The following FAM13C variants were observed in gnomAD, a reference collection of about 807,000 sequenced individuals.
FAM13C encodes the protein protein FAM13C.
A neutral mutation model predicts 73.2 loss-of-function variants in FAM13C; 37 were observed. The observed-to-expected ratio is 0.51, with a 90% CI of 0.39 to 0.67. The LOEUF (loss-of-function observed/expected upper bound fraction) is 0.67. Among genes scored for constraint, FAM13C ranks in the 30% least tolerant of loss-of-function variants. The pLI is 0.00. For missense variants in FAM13C, 589 were observed against 715.6 expected, an observed-to-expected ratio of 0.82 and a Z score of 2.02; for synonymous variants, 246 against 260.9, an observed-to-expected ratio of 0.94 and a Z score of 0.55.
At chr10:59,258,043 A>G (rs911262974) in intron 10 of FAM13C, among the ~76,000 whole-genome samples, 1 of 152,214 alleles carries the variant, frequency 6.6e-6, no homozygotes, top group African/African-American at 2.4e-5. Context: ...AGAATGCCAC[A>G]GTGCTATTGA....
At chr10:59,326,234 T>C (rs1041866251) in intron 3 of FAM13C, among the ~76,000 whole-genome samples, 1 of 152,102 alleles carries the variant, frequency 6.6e-6, no homozygotes, top group African/African-American at 2.4e-5. Flanking sequence ...AGAGAAGAAC[T>C]CTTCTCTAAA....
At chr10:59,355,156 G>A (rs962320559) in intron 2 of FAM13C, among the ~76,000 whole-genome samples, 2 of 152,092 alleles carry the variant, frequency 1.3e-5, no homozygotes, top group African/African-American at 4.8e-5. Context: ...ATGCACTGTA[G>A]CATCCACATC....
intron 3 of FAM13C, among the ~76,000 whole-genome samples, chr10:59,326,046 T>C (rs1851078783): frequency 1.3e-5 from 2 of 152,276 alleles, no homozygotes; most frequent in Middle Eastern, 3.4e-3. Flanking sequence ...TGTTTGATTT[T>C]TTTTTTGAAA....
chr10:59,342,574 C>T (rs67042284), intron 3 of FAM13C, among the ~76,000 whole-genome samples: 24,147 of 151,918 alleles, frequency 0.16, 2,182 homozygotes, highest in East Asian at 0.33. Flanking sequence ...CGTAAGTATA[C>T]CCCATGCAAT....
At chr10:59,260,553 TC>T (rs2133444926) in intron 10 of FAM13C, among the ~76,000 whole-genome samples, 1 of 152,292 alleles carries the variant, frequency 6.6e-6, no homozygotes, top group Admixed American at 6.5e-5. Context: ...GCCTTCCTAA[TC>T]CCTTTATCTA....
At chr10:59,305,553 T>C (rs1848159049) in intron 4 of FAM13C, among the ~76,000 whole-genome samples, 2 of 152,200 alleles carry the variant, frequency 1.3e-5, no homozygotes, top group African/African-American at 4.8e-5. Flanking sequence ...GGCAACAAGG[T>C]CAATATCTAA....
intron 4 of FAM13C, among the ~76,000 whole-genome samples, chr10:59,307,325 C>A (rs1454361577): frequency 1.3e-5 from 2 of 152,044 alleles, no homozygotes; most frequent in Non-Finnish European, 2.9e-5. Context: ...ATGTGCTAGG[C>A]AACGTACCTA....
At chr10:59,308,953 G>A (rs1848612745) in intron 4 of FAM13C, among the ~76,000 whole-genome samples, 1 of 152,142 alleles carries the variant, frequency 6.6e-6, no homozygotes. Context: ...CTTGGCCTAA[G>A]GACAGTGTCA....
chr10:59,286,744 T>A (rs1845615759), intron 5 of FAM13C, among the ~76,000 whole-genome samples: 2 of 151,404 alleles, frequency 1.3e-5, no homozygotes, highest in African/African-American at 2.4e-5. Flanking sequence ...TAAAAATGTT[T>A]AAATGGTGGC....
At chr10:59,316,593 A>AC (rs1318459339) in intron 4 of FAM13C, among the ~76,000 whole-genome samples, 2 of 152,104 alleles carry the variant, frequency 1.3e-5, no homozygotes, top group Admixed American at 1.3e-4. Flanking sequence ...CCCACTACAC[A>AC]CCTAGGCTAT....
chr10:59,262,737 A>C, intron 9 of FAM13C, 92 bp from the exon 10 acceptor site: 1 of 1,043,478 alleles, frequency 9.6e-7, no homozygotes, highest in Non-Finnish European at 1.4e-6. Flanking sequence ...CCTGATGCCA[A>C]ATCTGTAGAA....
chr10:59,333,356 C>T (rs1272570920), intron 3 of FAM13C, among the ~76,000 whole-genome samples: 4 of 152,022 alleles, frequency 2.6e-5, no homozygotes, highest in Admixed American at 2.6e-4. Context: ...GGCACGGTGG[C>T]ACATGCCAGT....
upstream of FAM13C, chr10:59,362,701 G>A: frequency 1.2e-6 from 1 of 834,380 alleles, no homozygotes; most frequent in Non-Finnish European, 1.7e-6. Flanking sequence ...GCGGCGGCGG[G>A]GCTGGGACCC....
At chr10:59,289,007 T>A (rs940339201) in intron 5 of FAM13C, among the ~76,000 whole-genome samples, 1 of 152,182 alleles carries the variant, frequency 6.6e-6, no homozygotes, top group African/African-American at 2.4e-5. Flanking sequence ...TAATCTACAC[T>A]AGCAGTCCCA....
chr10:59,284,031 A>ATGTGTGTG (rs6143934), intron 5 of FAM13C, among the ~76,000 whole-genome samples: 10,783 of 149,036 alleles, frequency 0.072, 734 homozygotes, highest in African/African-American at 0.18. Context: ...ATGCTGGGGT[A>ATGTGTGTG]TGTGTGTGTG....
At chr10:59,275,882 G>A (rs557714158) in intron 6 of FAM13C, among the ~76,000 whole-genome samples, 1 of 152,250 alleles carries the variant, frequency 6.6e-6, no homozygotes, top group Admixed American at 6.5e-5. Context: ...TTGGGCTGTA[G>A]GACTGATATT....
At chr10:59,350,147 A>G (rs758394613) in intron 3 of FAM13C, among the ~76,000 whole-genome samples, 2 of 152,220 alleles carry the variant, frequency 1.3e-5, no homozygotes, top group Non-Finnish European at 2.9e-5. Context: ...AGCTCATTGT[A>G]TCAGATAGAA....
chr10:59,273,586 G>A (rs1843969864), intron 6 of FAM13C, among the ~76,000 whole-genome samples: 2 of 152,034 alleles, frequency 1.3e-5, no homozygotes, highest in Admixed American at 1.3e-4. Context: ...ACAACTACAT[G>A]AGGCTGGTAG....
intron 4 of FAM13C, among the ~76,000 whole-genome samples, chr10:59,322,162 T>C (rs186318773): frequency 2.0e-5 from 3 of 152,218 alleles, no homozygotes; most frequent in Admixed American, 6.5e-5. Context: ...CTCATTTCAC[T>C]AGTTCATCAA....
Sources: allele counts gnomAD v4.1 joint callset (sites outside exome capture counted in the v4.1 genomes callset), GRCh38; gene constraint gnomAD v4.1.1; transcripts MANE v1.5; gene names NCBI Gene and HGNC (gene_info 2026-07-23, HGNC 2026-07-21).